Variants in MIA2 observed in about 807,000 individuals in gnomAD.
MIA2 encodes the protein melanoma inhibitory activity protein 2.
In MIA2, 127 loss-of-function variants were observed where a neutral mutation model predicts 167.8. That is an observed-to-expected ratio of 0.76 (90% CI 0.66 to 0.88). The LOEUF (loss-of-function observed/expected upper bound fraction) is 0.88, where lower values mean the gene tolerates loss of function less well. Among genes scored for constraint, MIA2 ranks in the 40% least tolerant of loss-of-function variants. The pLI, the probability that MIA2 is intolerant of heterozygous loss-of-function variation, is 0.00. For synonymous variants in MIA2, 552 were observed against 541.9 expected, an observed-to-expected ratio of 1.02 and a Z score of -0.26; for missense variants, 1,690 against 1,624.7, an observed-to-expected ratio of 1.04 and a Z score of -0.69.
intron 6 of MIA2, 149 bp from the exon 7 acceptor site, chr14:39,276,785 G>C (rs2058063995): frequency 3.9e-6 from 3 of 760,408 alleles, no homozygotes; most frequent in Non-Finnish European, 6.2e-6. Flanking sequence ...GTGATTGAAA[G>C]TTGACAAAAA....
chr14:39,266,329 C>G, intron 6 of MIA2: 3 of 985,408 alleles, frequency 3.0e-6, no homozygotes, highest in Non-Finnish European at 3.6e-6. Flanking sequence ...AAATCCAGCA[C>G]TTGGCACTTT....
chr14:39,321,038 C>G lies in MIA2; in HGVS notation c.3478C>G (p.Pro1160Ala). 2 of 1,612,980 alleles carry G rather than the reference C, an allele frequency of 1.2e-6. No individual in the cohort carries two copies. Among genetic ancestry groups the G allele is most frequent in the Non-Finnish European group, 1.7e-6 (2 of 1,179,540 alleles). Residue 1160 changes from proline to alanine, a missense_variant, in exon 24 of 29, where the codon CCA (proline) becomes GCA (alanine). Pro to Ala is a conservative substitution (Grantham distance 27). Transcript: ENST00000640607. ...TCCACTCAGACTCTCACCTTTGCTT[C>G]CAGGGGGAGGAGGAAGAGGTATATT... ...EGPLRLSPLL[P>A]GGGGRGSRGP...
chr14:39,383,925 T>G (rs1258866880), intron 23 of MIA2, among the ~76,000 whole-genome samples: 1 of 152,244 alleles, frequency 6.6e-6, no homozygotes, highest in South Asian at 2.1e-4. Flanking sequence ...AAAGAAGTCA[T>G]CTCCCTAAAA....
At chr14:39,267,374 G>T in intron 6 of MIA2, 1 of 1,597,716 alleles carries the variant, frequency 6.3e-7, no homozygotes, top group South Asian at 1.1e-5. Context: ...TCGGGTTCCG[G>T]ACCGAAGGCT....
chr14:39,346,341 AG>A (rs1428896561), intron 26 of MIA2, among the ~76,000 whole-genome samples: 1 of 152,196 alleles, frequency 6.6e-6, no homozygotes, highest in Non-Finnish European at 1.5e-5. Flanking sequence ...TTTAGTAATC[AG>A]GGAAATAAGC....
intron 3 of MIA2, among the ~76,000 whole-genome samples, chr14:39,246,100 T>G (rs1439843056): frequency 6.6e-6 from 1 of 150,972 alleles, no homozygotes; most frequent in East Asian, 1.9e-4. Context: ...ATTTATTTAT[T>G]TATTTATTTA....
chr14:39,381,855 G>C (rs1377653379), intron 23 of MIA2, among the ~76,000 whole-genome samples: 1 of 134,992 alleles, frequency 7.4e-6, no homozygotes, highest in Non-Finnish European at 1.6e-5. Context: ...ACAACAACAA[G>C]AACAATTAAA....
intron 2 of MIA2, 92 bp downstream of exon 2, chr14:39,237,147 G>A (rs1379488998): frequency 2.1e-6 from 3 of 1,407,530 alleles, no homozygotes; most frequent in South Asian, 2.5e-5. Flanking sequence ...TGGAAACAGG[G>A]CCTGGCTCTG....
chr14:39,358,137 C>T (rs929620861), intron 23 of MIA2, among the ~76,000 whole-genome samples: 1 of 152,194 alleles, frequency 6.6e-6, no homozygotes, highest in Non-Finnish European at 1.5e-5. Context: ...GGATAATATC[C>T]TGCAGAGTGT....
intron 17 of MIA2, 45 bp from the exon 18 acceptor site, chr14:39,308,404 C>A (rs1244102121): frequency 6.5e-6 from 8 of 1,239,564 alleles, no homozygotes; most frequent in Non-Finnish European, 8.8e-6. Context: ...TAATATGCAA[C>A]TCAAAATGTT....
At chr14:39,244,754 A>G (rs1287960408) in intron 3 of MIA2, among the ~76,000 whole-genome samples, 1 of 152,030 alleles carries the variant, frequency 6.6e-6, no homozygotes, top group African/African-American at 2.4e-5. Context: ...CAATATCTCA[A>G]TAAATAAAGT....
intron 9 of MIA2, among the ~76,000 whole-genome samples, chr14:39,281,997 C>T (rs1298054986): frequency 6.6e-6 from 1 of 152,012 alleles, no homozygotes; most frequent in Non-Finnish European, 1.5e-5. Flanking sequence ...GACAAATATG[C>T]TTTCTTATTT....
Position 39,240,565 on chromosome 14 carries a change from GA to G in MIA2, c.257del (p.Lys86ArgfsTer37). The G allele has an allele frequency of 1.2e-6, 2 of 1,608,822 alleles. No individual in the cohort carries two copies. Among genetic ancestry groups the G allele is most frequent in the Non-Finnish European group, 1.7e-6 (2 of 1,175,750 alleles). ...CTTTGTTCTTCATTTTGACAGAAAG[GA>G]AAGGAGTTTGGATATTTTCCCAGAG... Reference protein sequence around the residue: ...EREDLWAGSKGKEFGYFPRDA... With the variant: ...EREDLWAGSKXKEFGYFPRDA... On this transcript the variant is annotated frameshift_variant, in exon 3 of 29. Transcript: ENST00000640607. LOFTEE classifies it high-confidence loss of function.
chr14:39,305,653 T>C (rs756042487), intron 17 of MIA2, among the ~76,000 whole-genome samples: 2 of 152,212 alleles, frequency 1.3e-5, no homozygotes, highest in African/African-American at 2.4e-5. Context: ...TACAAAAATA[T>C]GGCCAGGCGC....
chr14:39,315,782 GT>G, intron 21 of MIA2, 64 bp downstream of exon 21: 1 of 1,096,882 alleles, frequency 9.1e-7, no homozygotes, highest in Non-Finnish European at 1.3e-6. Context: ...AAGATACGTT[GT>G]TTATTTAAAT....
At chr14:39,276,839 A>C in intron 6 of MIA2, 95 bp from the exon 7 acceptor site, 1 of 1,388,894 alleles carries the variant, frequency 7.2e-7, no homozygotes, top group Non-Finnish European at 9.9e-7. Flanking sequence ...CTGGCAGCCC[A>C]TTTTGTGTTG....
intron 18 of MIA2, among the ~76,000 whole-genome samples, chr14:39,311,143 TTG>T (rs1476884993): frequency 6.6e-6 from 1 of 152,208 alleles, no homozygotes; most frequent in African/African-American, 2.4e-5. Context: ...AGTACCCTAG[TTG>T]TGTGTGTTGT....
chr14:39,284,759 ATT>A (rs942039155), intron 9 of MIA2, among the ~76,000 whole-genome samples: 3 of 128,336 alleles, frequency 2.3e-5, no homozygotes, highest in Non-Finnish European at 1.7e-5. Flanking sequence ...TCTTTTTTTT[ATT>A]TTTTTTTTAT....
At chr14:39,263,734 T>C (rs891472735) in intron 6 of MIA2, among the ~76,000 whole-genome samples, 1 of 151,190 alleles carries the variant, frequency 6.6e-6, no homozygotes, top group Non-Finnish European at 1.5e-5. Flanking sequence ...TGGGTTCAAA[T>C]GATTTTCCTG....
Sources: gnomAD v4.1 joint callset for allele counts (sites outside exome capture counted in the v4.1 genomes callset) on GRCh38, gnomAD v4.1.1 for gene constraint, MANE v1.5 for transcripts, NCBI Gene and HGNC (gene_info 2026-07-23, HGNC 2026-07-21) for gene names.